Variants in PHLPP1 observed in about 807,000 individuals in gnomAD.
The protein encoded by PHLPP1 is PH domain leucine-rich repeat-containing protein phosphatase 1.
Under a neutral mutation model 117.2 loss-of-function variants are expected in PHLPP1, and 42 were observed. The ratio of observed to expected loss-of-function variants is 0.36; its 90% CI spans 0.28 to 0.46. The LOEUF (loss-of-function observed/expected upper bound fraction) is 0.46. Among genes scored for constraint, PHLPP1 ranks in the 20% least tolerant of loss-of-function variants. The probability of loss-of-function intolerance (pLI) is 1.00; values close to 1 mark genes in which losing one functional copy is unlikely to be tolerated. For missense variants in PHLPP1, 2,084 were observed against 2,241.9 expected, an observed-to-expected ratio of 0.93 and a Z score of 1.42; for synonymous variants, 1,042 against 970.7, an observed-to-expected ratio of 1.07 and a Z score of -1.37.
In PHLPP1 at chr18:62,975,596, AT is replaced by A; in HGVS notation, c.3957del (p.Lys1320AsnfsTer13). The A allele has an allele frequency of 6.2e-7, 1 of 1,613,010 alleles. No individual in the cohort carries two copies. The highest frequency in any genetic ancestry group is 8.5e-7 in the Non-Finnish European group (1 of 1,178,942). ...GAGCTGTGAAGAAGAGCTGAAGAGGATTAAACAGCACAAGGCCATTATCACT... is the reference window on the plus strand; with the variant it reads ...GAGCTGTGAAGAAGAGCTGAAGAGGATAAACAGCACAAGGCCATTATCACT... ...IMSCEEELKR[I>X]KQHKAIITED... On this transcript the variant is annotated frameshift_variant, in exon 16 of 17. Coordinates refer to ENST00000262719, the MANE Select transcript of PHLPP1 (RefSeq NM_194449.4). LOFTEE classifies it low-confidence loss of function (END_TRUNC).
intron 1 of PHLPP1, among the ~76,000 whole-genome samples, chr18:62,829,481 G>A (rs1914697388): frequency 6.6e-6 from 1 of 152,228 alleles, no homozygotes; most frequent in Admixed American, 6.5e-5. Flanking sequence ...CCCAGGCGTG[G>A]TGGCTCACGC....
intron 1 of PHLPP1, among the ~76,000 whole-genome samples, chr18:62,822,421 G>A (rs1463052175): frequency 1.3e-5 from 2 of 151,422 alleles, no homozygotes; most frequent in Admixed American, 6.6e-5. Flanking sequence ...AGCTGGGACT[G>A]CAGACACCCG....
chr18:62,934,546 CAA>C (rs564024788), intron 10 of PHLPP1, among the ~76,000 whole-genome samples: 12 of 152,172 alleles, frequency 7.9e-5, no homozygotes, highest in African/African-American at 2.2e-4. Flanking sequence ...AAGCCGGAAA[CAA>C]GAGACACTGA....
At chr18:62,782,343 G>A (rs1282303698) in intron 1 of PHLPP1, among the ~76,000 whole-genome samples, 1 of 152,198 alleles carries the variant, frequency 6.6e-6, no homozygotes, top group Non-Finnish European at 1.5e-5. Flanking sequence ...ACCAGACATA[G>A]ACTAAGGTGT....
chr18:62,964,663 A>G lies in PHLPP1; in HGVS notation c.3560+1191A>G, dbSNP rs566602474. On this transcript the variant is annotated intron_variant, in intron 14 of 16. Coordinates refer to ENST00000262719, the MANE Select transcript of PHLPP1 (RefSeq NM_194449.4). Reference sequence around the variant, plus strand: ...CTCATTTCCATGGACTTTGCACAGTATGTCATTGTGTTGGGACAGAGGAGA... The same window carrying G: ...CTCATTTCCATGGACTTTGCACAGTGTGTCATTGTGTTGGGACAGAGGAGA... Among the ~76,000 whole-genome samples, 16 of 152,310 alleles carry G rather than the reference A, an allele frequency of 1.1e-4. 1 individual carries two copies. The South Asian group carries it at 2.9e-3, about 28-fold the overall frequency.
intron 1 of PHLPP1, among the ~76,000 whole-genome samples, chr18:62,795,279 A>G (rs796929288): frequency 1.8e-3 from 276 of 152,114 alleles, no homozygotes; most frequent in African/African-American, 6.4e-3. Context: ...GGAGTTCACA[A>G]CGAGCCTTGG....
At chr18:62,848,231 A>C (rs978356650) in intron 3 of PHLPP1, among the ~76,000 whole-genome samples, 31 of 152,178 alleles carry the variant, frequency 2.0e-4, no homozygotes, top group African/African-American at 7.0e-4. Flanking sequence ...CAGCCCTAAA[A>C]GAAAATATTT....
chr18:62,895,211 C>T (rs1916525421), intron 5 of PHLPP1, 54 bp downstream of exon 5: 1 of 1,565,942 alleles, frequency 6.4e-7, no homozygotes, highest in African/African-American at 1.4e-5. Flanking sequence ...AGGGAAGCTG[C>T]ATTGGGGGTG....
chr18:62,726,696 G>C (rs1264795848), intron 1 of PHLPP1, among the ~76,000 whole-genome samples: 1 of 147,306 alleles, frequency 6.8e-6, no homozygotes, highest in Non-Finnish European at 1.5e-5. Context: ...CGATTCTCCT[G>C]CCTCAGCCTC....
intron 13 of PHLPP1, 21 bp from the exon 14 acceptor site, chr18:62,963,347 C>T: frequency 6.5e-7 from 1 of 1,547,208 alleles, no homozygotes; most frequent in Non-Finnish European, 8.9e-7. Context: ...ATTCCTGTTC[C>T]CTCCCTGTTT....
intron 4 of PHLPP1, among the ~76,000 whole-genome samples, chr18:62,885,947 A>G (rs983813292): frequency 6.6e-6 from 1 of 152,190 alleles, no homozygotes; most frequent in African/African-American, 2.4e-5. Flanking sequence ...TGATTGCTCT[A>G]TTCTCTCAAT....
intron 3 of PHLPP1, among the ~76,000 whole-genome samples, chr18:62,855,340 C>G (rs369297438): frequency 1.3e-5 from 2 of 152,060 alleles, no homozygotes; most frequent in African/African-American, 2.4e-5. Context: ...AGGTGGGTCA[C>G]AGTTTCTTTG....
At chr18:62,740,359 AG>A (rs1911488156) in intron 1 of PHLPP1, among the ~76,000 whole-genome samples, 3 of 152,284 alleles carry the variant, frequency 2.0e-5, no homozygotes, top group Admixed American at 2.0e-4. Flanking sequence ...TATGACTTAC[AG>A]GTAAGAGCTG....
chr18:62,978,371 A>T lies in PHLPP1; in HGVS notation c.4094A>T (p.Gln1365Leu). The T allele has an allele frequency of 6.2e-7, 1 of 1,612,814 alleles. No homozygotes were observed. The highest frequency in any genetic ancestry group is 8.5e-7 in the Non-Finnish European group (1 of 1,179,366). The change falls in exon 17 of 17, where the codon CAG (glutamine) becomes CTG (leucine). Residue 1365 changes from glutamine to leucine, a missense_variant. Physicochemically the swap from Gln to Leu is moderately radical, Grantham distance 113. Coordinates refer to ENST00000262719, the MANE Select transcript of PHLPP1 (RefSeq NM_194449.4). The surrounding 1 kb of genome is among the most constrained non-coding windows in gnomAD (Gnocchi z 7.0). Reference protein sequence around the residue: ...PHVQSVLLTPQDEFFILGSKG... With the variant: ...PHVQSVLLTPLDEFFILGSKG... Reference sequence around the variant, plus strand: ...GTGCAGTCCGTGCTCCTGACTCCCCAGGATGAGTTCTTCATCCTAGGCAGT... The same window carrying T: ...GTGCAGTCCGTGCTCCTGACTCCCCTGGATGAGTTCTTCATCCTAGGCAGT...
intron 1 of PHLPP1, among the ~76,000 whole-genome samples, chr18:62,803,305 C>T (rs1392302134): frequency 6.6e-6 from 1 of 152,132 alleles, no homozygotes; most frequent in Non-Finnish European, 1.5e-5. Flanking sequence ...AAGTCTTCAT[C>T]ACCAAGTGGT....
chr18:62,894,689 C>CA (rs1450349080), intron 4 of PHLPP1, among the ~76,000 whole-genome samples: 3 of 152,194 alleles, frequency 2.0e-5, no homozygotes, highest in Non-Finnish European at 4.4e-5. Context: ...TTCACTGGGG[C>CA]CATTTACACT....
chr18:62,913,210 C>G (rs1917007326), intron 8 of PHLPP1, among the ~76,000 whole-genome samples: 1 of 152,010 alleles, frequency 6.6e-6, no homozygotes, highest in South Asian at 2.1e-4. Context: ...TTATCACTTA[C>G]AGAAGTTTTA....
chr18:62,767,978 G>A (rs1051973598), intron 1 of PHLPP1, among the ~76,000 whole-genome samples: 4 of 152,282 alleles, frequency 2.6e-5, no homozygotes, highest in South Asian at 4.1e-4. Context: ...CTTAACTGTA[G>A]CAAAGAGAGT....
At chr18:62,731,601 A>G (rs990805898) in intron 1 of PHLPP1, among the ~76,000 whole-genome samples, 2 of 152,206 alleles carry the variant, frequency 1.3e-5, no homozygotes, top group Non-Finnish European at 2.9e-5. Flanking sequence ...AGGAAGAGTC[A>G]CAAGTCTCTC....
Sources: allele counts gnomAD v4.1 joint callset (sites outside exome capture counted in the v4.1 genomes callset), GRCh38; gene constraint gnomAD v4.1.1; non-coding constraint Gnocchi (gnomAD v3.1); transcripts MANE v1.5; gene names NCBI Gene and HGNC (gene_info 2026-07-23, HGNC 2026-07-21).